Variants in ACOXL observed in about 807,000 individuals in gnomAD.
The protein encoded by ACOXL is acyl-coenzyme A oxidase-like protein.
ACOXL carries 70 observed loss-of-function variants against 71.9 expected under a neutral mutation model. The observed-to-expected ratio is 0.97, with a 90% CI of 0.80 to 1.19. The LOEUF (loss-of-function observed/expected upper bound fraction) is 1.19. Ranked by LOEUF, ACOXL falls within the 50% of genes most tolerant of loss-of-function variation. The pLI, the probability that ACOXL is intolerant of heterozygous loss-of-function variation, is 0.00. For missense variants in ACOXL, 703 were observed against 736.3 expected (o/e 0.95, Z 0.52); for synonymous variants, 253 against 281.6 (o/e 0.90, Z 1.02).
At chr2:111,083,311 C>G (rs1464915814) in intron 16 of ACOXL, among the ~76,000 whole-genome samples, 1 of 152,008 alleles carries the variant, frequency 6.6e-6, no homozygotes, top group African/African-American at 2.4e-5. Context: ...CAGGGATTTG[C>G]TAGAATGTCT....
At chr2:111,006,714 A>T (rs1383419170) in intron 14 of ACOXL, among the ~76,000 whole-genome samples, 1 of 151,900 alleles carries the variant, frequency 6.6e-6, no homozygotes, top group African/African-American at 2.4e-5. Flanking sequence ...ATGTGCCACC[A>T]CGTCTGGCTA....
intron 10 of ACOXL, among the ~76,000 whole-genome samples, chr2:110,865,398 T>G (rs182427439): frequency 2.8e-4 from 42 of 152,308 alleles, no homozygotes; most frequent in Admixed American, 2.5e-3. Flanking sequence ...TAACTTTGCA[T>G]TTCTCGATCT....
At chr2:110,874,157 G>T (rs1695609009) in intron 10 of ACOXL, among the ~76,000 whole-genome samples, 1 of 152,214 alleles carries the variant, frequency 6.6e-6, no homozygotes, top group South Asian at 2.1e-4. Context: ...ACCCTCAGCA[G>T]CCTGGGGGGC....
intron 10 of ACOXL, among the ~76,000 whole-genome samples, chr2:110,855,619 C>T (rs1348131016): frequency 6.6e-6 from 1 of 152,184 alleles, no homozygotes; most frequent in Non-Finnish European, 1.5e-5. Context: ...GCTTCACTTT[C>T]TGTGGTTTCA....
chr2:110,915,336 T>TATATATATATATA (rs1558721442), intron 11 of ACOXL, among the ~76,000 whole-genome samples: 112 of 130,746 alleles, frequency 8.6e-4, no homozygotes, highest in African/African-American at 2.7e-3. Context: ...TATATGCATT[T>TATATATATATATA]TATATATATA....
intron 1 of ACOXL, among the ~76,000 whole-genome samples, chr2:110,745,601 G>C (rs1177943032): frequency 6.6e-6 from 1 of 152,240 alleles, no homozygotes; most frequent in East Asian, 1.9e-4. Context: ...AGGCATTTCT[G>C]CCTTAAATGG....
chr2:110,939,650 T>C (rs918300099), intron 12 of ACOXL, among the ~76,000 whole-genome samples: 2 of 152,228 alleles, frequency 1.3e-5, no homozygotes, highest in African/African-American at 2.4e-5. Context: ...ATACCTGGGA[T>C]TGCTTTTTGG....
intron 14 of ACOXL, among the ~76,000 whole-genome samples, chr2:111,007,519 A>G (rs969375017): frequency 1.3e-5 from 2 of 152,132 alleles, no homozygotes; most frequent in African/African-American, 4.8e-5. Context: ...TTTCTTGCCA[A>G]TTGTTCCAAG....
chr2:111,067,491 G>T (rs2067129823), intron 16 of ACOXL, among the ~76,000 whole-genome samples: 1 of 152,116 alleles, frequency 6.6e-6, no homozygotes, highest in Non-Finnish European at 1.5e-5. Context: ...GAAAATAAAT[G>T]GGCAGATAAT....
intron 10 of ACOXL, among the ~76,000 whole-genome samples, chr2:110,900,672 A>G (rs763905051): frequency 6.6e-6 from 1 of 152,248 alleles, no homozygotes; most frequent in Non-Finnish European, 1.5e-5. Flanking sequence ...TACAGGCAGC[A>G]TGAGTCACTA....
In ACOXL at chr2:110,784,811, T is replaced by A. The variant is rs771820899; in HGVS notation, c.155T>A (p.Val52Glu). The change falls in exon 3 of 18, where the codon GTG becomes GAG. Residue 52 changes from valine (V) to glutamate (E), a missense_variant. Transcript: ENST00000439055. ...TCCATGGCGGACATGGCCACAGGAG[T>A]GAAGGTGAGAGGCGCCGGGCACCTG... ...VLSMADMATG[V>E]KCGIIYWLFG... is the part of the protein sequence containing the mutation. 1.9e-5 allele frequency: 30 copies of A among 1,600,610 alleles called. No homozygotes were observed. The highest frequency in any genetic ancestry group is 2.4e-5 in the Non-Finnish European group (28 of 1,175,524).
chr2:111,069,116 C>T (rs11694609), intron 16 of ACOXL, among the ~76,000 whole-genome samples: 40,314 of 150,614 alleles, frequency 0.27, 5,444 homozygotes, highest in Middle Eastern at 0.34. Flanking sequence ...TGTGCATGCA[C>T]GTCCTTGATG....
chr2:111,075,632 T>C (rs1036820164), intron 16 of ACOXL, among the ~76,000 whole-genome samples: 2 of 152,064 alleles, frequency 1.3e-5, no homozygotes, highest in Non-Finnish European at 2.9e-5. Context: ...TACTCTTGTT[T>C]TTCTAGTTTC....
intron 16 of ACOXL, among the ~76,000 whole-genome samples, chr2:111,081,855 C>T (rs1442862247): frequency 6.6e-6 from 1 of 152,114 alleles, no homozygotes; most frequent in African/African-American, 2.4e-5. Flanking sequence ...ACAGAGGCCT[C>T]AGAAATAATG....
chr2:110,993,639 C>T (rs1006155186), intron 13 of ACOXL, among the ~76,000 whole-genome samples: 2 of 152,130 alleles, frequency 1.3e-5, no homozygotes, highest in Non-Finnish European at 2.9e-5. Flanking sequence ...TTCTCTTAGG[C>T]AATTAGTAGG....
intron 14 of ACOXL, among the ~76,000 whole-genome samples, chr2:111,026,112 T>G (rs918868390): frequency 1.2e-4 from 18 of 152,234 alleles, no homozygotes; most frequent in Admixed American, 6.5e-5. Context: ...CTGTGTTCTA[T>G]TCACTCATGT....
intron 15 of ACOXL, among the ~76,000 whole-genome samples, chr2:111,033,834 G>A (rs546129225): frequency 6.6e-6 from 1 of 152,246 alleles, no homozygotes; most frequent in East Asian, 1.9e-4. Flanking sequence ...GGGCCCCTAT[G>A]TACTGACCAC....
At chr2:110,760,568 A>C (rs192499137) in intron 1 of ACOXL, among the ~76,000 whole-genome samples, 168 of 152,314 alleles carry the variant, frequency 1.1e-3, no homozygotes, top group Middle Eastern at 3.4e-3. Flanking sequence ...CATGTATTTC[A>C]GTTAGCCATG....
chr2:110,762,401 A>G (rs1000779395), intron 1 of ACOXL, among the ~76,000 whole-genome samples: 2 of 151,620 alleles, frequency 1.3e-5, no homozygotes, highest in Non-Finnish European at 2.9e-5. Flanking sequence ...TCTGTTTCTT[A>G]TTTCTCTTAT....
Sources: gnomAD v4.1 joint callset for allele counts (sites outside exome capture counted in the v4.1 genomes callset) on GRCh38, gnomAD v4.1.1 for gene constraint, MANE v1.5 for transcripts, NCBI Gene and HGNC (gene_info 2026-07-23, HGNC 2026-07-21) for gene names.